Variants in ADK observed in about 807,000 individuals in gnomAD.
ADK encodes adenosine kinase.
In ADK, 24 loss-of-function variants were observed where a neutral mutation model predicts 44.7. That is an observed-to-expected ratio of 0.54 (90% CI 0.39 to 0.76). The LOEUF (loss-of-function observed/expected upper bound fraction) is 0.76. ADK is among the 30% of genes least tolerant of loss of function. ADK has a pLI of 0.00. For synonymous variants in ADK, 128 were observed against 142.6 expected, an observed-to-expected ratio of 0.90 and a Z score of 0.73; for missense variants, 321 against 425.1, an observed-to-expected ratio of 0.76 and a Z score of 2.15.
intron 3 of ADK, among the ~76,000 whole-genome samples, chr10:74,255,887 C>G (rs1352861192): frequency 6.6e-6 from 1 of 152,110 alleles, no homozygotes; most frequent in Admixed American, 6.6e-5. Flanking sequence ...CATTTGTTAG[C>G]CACTAAATGT....
At chr10:74,374,717 C>G (rs982386768) in intron 4 of ADK, among the ~76,000 whole-genome samples, 4 of 152,078 alleles carry the variant, frequency 2.6e-5, no homozygotes, top group Non-Finnish European at 5.9e-5. Flanking sequence ...TTACTAAATT[C>G]AGAGAAAGCA....
chr10:74,217,230 C>A (rs915802053), intron 2 of ADK, among the ~76,000 whole-genome samples: 1 of 152,380 alleles, frequency 6.6e-6, no homozygotes, highest in African/African-American at 2.4e-5. Flanking sequence ...CTGCACCTGG[C>A]TCGGAGGGTC....
intron 4 of ADK, among the ~76,000 whole-genome samples, chr10:74,352,212 G>T (rs943280647): frequency 6.6e-6 from 1 of 152,132 alleles, no homozygotes; most frequent in South Asian, 2.1e-4. Flanking sequence ...GCATGGTACT[G>T]GTACCAAAAC....
intron 6 of ADK, among the ~76,000 whole-genome samples, chr10:74,404,062 C>A (rs546191731): frequency 2.6e-5 from 4 of 151,784 alleles, no homozygotes. Flanking sequence ...TTAGTAGAGA[C>A]GGGGTTTCAC....
chr10:74,585,649 G>C (rs78511058), intron 7 of ADK, among the ~76,000 whole-genome samples: 148 of 152,262 alleles, frequency 9.7e-4, no homozygotes, highest in African/African-American at 3.4e-3. Flanking sequence ...TTTGATGTCA[G>C]ATCTAAAATG....
chr10:74,385,301 A>G (rs769112232), intron 4 of ADK, among the ~76,000 whole-genome samples: 1 of 152,130 alleles, frequency 6.6e-6, no homozygotes, highest in Non-Finnish European at 1.5e-5. Context: ...AATAGGCAAA[A>G]TAGGGTTGAG....
chr10:74,356,001 C>CTT (rs1842124248), intron 4 of ADK, among the ~76,000 whole-genome samples: 1 of 36,344 alleles, frequency 2.8e-5, no homozygotes, highest in African/African-American at 6.8e-5. Flanking sequence ...CTAAATAATT[C>CTT]ATTTTTTTTT....
chr10:74,438,721 G>T (rs1379218618), intron 6 of ADK, among the ~76,000 whole-genome samples: 1 of 151,678 alleles, frequency 6.6e-6, no homozygotes, highest in Admixed American at 6.6e-5. Flanking sequence ...TTTCATGGTG[G>T]GTTCATTTCC....
chr10:74,404,878 G>C (rs955576526), intron 6 of ADK, among the ~76,000 whole-genome samples: 1 of 152,040 alleles, frequency 6.6e-6, no homozygotes, highest in Non-Finnish European at 1.5e-5. Flanking sequence ...GTTATGATGG[G>C]CCTTAGTGTA....
At chr10:74,649,062 T>A (rs552347771) in intron 9 of ADK, among the ~76,000 whole-genome samples, 18 of 152,042 alleles carry the variant, frequency 1.2e-4, no homozygotes, top group African/African-American at 4.3e-4. Context: ...CAGCCTGTAG[T>A]CCCAGCTACT....
At chr10:74,235,916 CACTT>C (rs1369489094) in intron 3 of ADK, among the ~76,000 whole-genome samples, 1 of 152,190 alleles carries the variant, frequency 6.6e-6, no homozygotes, top group African/African-American at 2.4e-5. Context: ...GCCCCTCAAG[CACTT>C]GCTTGCTGTT....
chr10:74,508,154 A>C (rs1848154615), intron 6 of ADK, among the ~76,000 whole-genome samples: 1 of 152,144 alleles, frequency 6.6e-6, no homozygotes, highest in African/African-American at 2.4e-5. Context: ...TTTGGATTCA[A>C]TTTACTAGGA....
intron 3 of ADK, among the ~76,000 whole-genome samples, chr10:74,275,272 T>C (rs1270570194): frequency 3.3e-5 from 5 of 152,050 alleles, no homozygotes; most frequent in African/African-American, 1.2e-4. Flanking sequence ...TTTTTTGGGC[T>C]GATAAGGAAA....
intron 2 of ADK, 73 bp downstream of exon 2, chr10:74,200,911 T>A: frequency 9.7e-7 from 1 of 1,027,054 alleles, no homozygotes; most frequent in Non-Finnish European, 1.5e-6. Flanking sequence ...ACTTTAGAAG[T>A]GAATTTACCA....
rs570478096 is a variant in ADK, at chr10:74,507,530, G to A, written c.556-17726G>A. The stretch of plus-strand genomic sequence containing the variant: ...GTGGAGGCTGTGAGGTGGGAGAATC[G>A]CTTGAGCCCAGGAGGCAGAGGTTGC... On this transcript the variant is annotated intron_variant, in intron 6 of 10. Coordinates refer to ENST00000539909, the MANE Select transcript of ADK (RefSeq NM_006721.4). Among the ~76,000 whole-genome samples the A allele has an allele frequency of 8.6e-5, 13 of 152,026 alleles. No individual in the cohort carries two copies. In the South Asian group the frequency reaches 1.7e-3, roughly 19 times the overall value.
chr10:74,257,501 T>G (rs1845872307), intron 3 of ADK, among the ~76,000 whole-genome samples: 1 of 152,198 alleles, frequency 6.6e-6, no homozygotes, highest in Non-Finnish European at 1.5e-5. Context: ...ATGAAAAATA[T>G]GAGTTAATAA....
chr10:74,217,722 A>G (rs10824116), intron 2 of ADK, among the ~76,000 whole-genome samples: 26,385 of 151,864 alleles, frequency 0.17, 2,631 homozygotes, highest in African/African-American at 0.29. Context: ...ACGAAAAACC[A>G]CTGTTCTGCA....
intron 7 of ADK, among the ~76,000 whole-genome samples, chr10:74,588,511 T>C (rs1371507863): frequency 6.6e-6 from 1 of 152,216 alleles, no homozygotes; most frequent in East Asian, 1.9e-4. Flanking sequence ...CCCTATCCTC[T>C]GTATTTCTTA....
At chr10:74,309,922 CT>C (rs1840379173) in intron 3 of ADK, among the ~76,000 whole-genome samples, 1 of 151,774 alleles carries the variant, frequency 6.6e-6, no homozygotes, top group Non-Finnish European at 1.5e-5. Flanking sequence ...TCTTAATTTG[CT>C]TCTGTTATTT....
Sources: allele counts gnomAD v4.1 joint callset (sites outside exome capture counted in the v4.1 genomes callset), GRCh38; gene constraint gnomAD v4.1.1; transcripts MANE v1.5; gene names NCBI Gene and HGNC (gene_info 2026-07-23, HGNC 2026-07-21).